SVOPL: variants seen among roughly 807,000 people sequenced by gnomAD.
SVOPL encodes the protein putative transporter SVOPL.
A neutral mutation model predicts 61.0 loss-of-function variants in SVOPL; 60 were observed. The observed-to-expected ratio is 0.98, with a 90% CI of 0.80 to 1.22. SVOPL has a LOEUF of 1.22. Ranked by LOEUF, SVOPL falls within the 50% of genes most tolerant of loss-of-function variation. SVOPL has a pLI of 0.00. For missense variants in SVOPL, 662 were observed against 643.9 expected (o/e 1.03, Z -0.30); for synonymous variants, 279 against 250.0 (o/e 1.12, Z -1.09).
intron 10 of SVOPL, among the ~76,000 whole-genome samples, chr7:138,629,724 G>A (rs1800085052): frequency 6.6e-6 from 1 of 152,210 alleles, no homozygotes; most frequent in Non-Finnish European, 1.5e-5. Flanking sequence ...TGGACTCGAT[G>A]ATTGGTGACT....
intron 1 of SVOPL, among the ~76,000 whole-genome samples, chr7:138,697,331 A>C (rs573200120): frequency 3.5e-4 from 54 of 152,348 alleles, no homozygotes; most frequent in African/African-American, 1.3e-3. Flanking sequence ...CCAAAAAAAT[A>C]CAGGTACCCA....
chr7:138,699,146 C>T lies in SVOPL; in HGVS notation c.-35+2032G>A, dbSNP rs535820600. 6.6e-5 allele frequency among the ~76,000 whole-genome samples: 10 copies of T among 151,840 alleles called. No homozygotes were observed. The South Asian group carries it at 1.0e-3, about 16-fold the overall frequency. On this transcript the variant is annotated intron_variant, in intron 1 of 15. Transcript: ENST00000674285. ...CAGCCTAGGTGACAGAGTGAAACTC[C>T]GTCTCCAAAAAATTAGCTGGGTGTG...
At position 138,620,124 on chromosome 7, in the gene SVOPL, G is replaced by GTTT. The variant is rs68156955; in HGVS notation, c.1353+919_1353+921dup. ...TTCTTTTTTGTTTTTTTTCTGTTTT[G>GTTT]TTTTTTTTTTTTTTTTGAGATAGAG... On this transcript the variant is annotated intron_variant, in intron 14 of 15. Transcript: ENST00000674285. Among the ~76,000 whole-genome samples, 18 of 114,626 alleles carry GTTT rather than the reference G, an allele frequency of 1.6e-4. 1 individual carries two copies. The highest frequency in any genetic ancestry group is 2.5e-4 in the East Asian group (1 of 3,926). 75.2% of individuals were successfully genotyped at this position (114,626 alleles called of 152,430 possible).
rs539748326 is a variant in SVOPL at position 138,603,611 on chromosome 7, G to T, written c.1354-7081C>A. Among the ~76,000 whole-genome samples the T allele has an allele frequency of 7.9e-5, 12 of 152,296 alleles. No individual in the cohort carries two copies. The East Asian group carries it at 1.4e-3, about 17-fold the overall frequency. The stretch of plus-strand genomic sequence containing the variant: ...TGCTTGAACCCGGCAGGCAGAGGTT[G>T]CAGTGAGCGGAGATTGCACCACTGC... On this transcript the variant is annotated intron_variant, in intron 14 of 15. Transcript: ENST00000674285.
intron 1 of SVOPL, among the ~76,000 whole-genome samples, chr7:138,681,398 C>T (rs1802698728): frequency 6.6e-6 from 1 of 151,092 alleles, no homozygotes; most frequent in South Asian, 2.1e-4. Flanking sequence ...CAAACAAACC[C>T]AGGCATCTTA....
intron 7 of SVOPL, 34 bp from the exon 8 acceptor site, chr7:138,649,171 T>TG: frequency 6.4e-7 from 1 of 1,553,322 alleles, no homozygotes; most frequent in Non-Finnish European, 8.7e-7. Context: ...TAAAGTTCTT[T>TG]GGGGAATTAT....
At chr7:138,628,136 C>T (rs1296941457) in intron 11 of SVOPL, 22 bp downstream of exon 11, 1 of 1,613,924 alleles carries the variant, frequency 6.2e-7, no homozygotes, top group Admixed American at 1.7e-5. Context: ...CAGAGAGACC[C>T]AACACGCAGA....
intron 1 of SVOPL, among the ~76,000 whole-genome samples, chr7:138,691,564 A>G (rs1046180240): frequency 1.1e-4 from 16 of 152,250 alleles, no homozygotes; most frequent in African/African-American, 3.4e-4. Flanking sequence ...TTTTGAGACC[A>G]AGTCTCGCTC....
intron 9 of SVOPL, among the ~76,000 whole-genome samples, chr7:138,642,328 G>A (rs916863581): frequency 2.0e-4 from 29 of 142,100 alleles, no homozygotes; most frequent in African/African-American, 2.9e-4. Context: ...AATGGACCCC[G>A]CCCCCGCAAA....
At chr7:138,663,511 A>G in intron 4 of SVOPL, 1 of 1,024,354 alleles carries the variant, frequency 9.8e-7, no homozygotes, top group Non-Finnish European at 1.2e-6. Flanking sequence ...AATTGGGGCC[A>G]CTAGAAGCAG....
chr7:138,676,249 T>C (rs529845856), intron 3 of SVOPL, among the ~76,000 whole-genome samples: 2 of 152,382 alleles, frequency 1.3e-5, no homozygotes, highest in South Asian at 2.1e-4. Flanking sequence ...CTGTCATTCT[T>C]CTTTCTTCAA....
intron 13 of SVOPL, among the ~76,000 whole-genome samples, chr7:138,623,163 C>G (rs1271158827): frequency 1.3e-5 from 2 of 152,086 alleles, no homozygotes; most frequent in Admixed American, 6.6e-5. Flanking sequence ...TGAGGTTGCT[C>G]TGACTGAAAA....
chr7:138,616,332 C>T (rs1799300266), intron 14 of SVOPL, among the ~76,000 whole-genome samples: 1 of 90,780 alleles, frequency 1.1e-5, no homozygotes, highest in Non-Finnish European at 2.1e-5. Flanking sequence ...TTCAGTGAAT[C>T]TTTAATACTT....
intron 10 of SVOPL, among the ~76,000 whole-genome samples, chr7:138,629,238 T>C (rs1191895581): frequency 3.8e-4 from 3 of 7,962 alleles, no homozygotes; most frequent in South Asian, 3.3e-3. Context: ...CTCTTCATGA[T>C]TTTTTTTTTT....
At chr7:138,637,475 G>GATAT (rs1198640384) in intron 9 of SVOPL, among the ~76,000 whole-genome samples, 66 of 14,142 alleles carry the variant, frequency 4.7e-3, no homozygotes, top group African/African-American at 0.018. Context: ...TATAGATATA[G>GATAT]ATATAGATAT....
At position 138,628,350 on chromosome 7, in the gene SVOPL, A is replaced by G; in HGVS notation, c.877T>C (p.Phe293Leu). ...QIWVIWLGIS[F>L]AYYGVILASA... The stretch of plus-strand genomic sequence containing the variant: ...GCCAGGATAACCCCATAGTAGGCAA[A>G]AGAGATTCCAAGCCTGGAAGAGAGA... The change falls in exon 11 of 16, where the codon TTT becomes CTT. Residue 293 changes from phenylalanine (F) to leucine (L), a missense_variant. By Grantham distance (22) the Phe-to-Leu change is conservative. Transcript: ENST00000674285. 4 of 1,614,072 alleles carry G rather than the reference A, an allele frequency of 2.5e-6. No homozygotes were observed. Among genetic ancestry groups the G allele is most frequent in the Non-Finnish European group, 3.4e-6 (4 of 1,180,028 alleles).
rs375844910 is a variant in SVOPL at position 138,669,945 on chromosome 7, C to T, written c.273+2074G>A. On this transcript the variant is annotated intron_variant, in intron 4 of 15. Coordinates refer to ENST00000674285, the MANE Select transcript of SVOPL (RefSeq NM_001139456.2). ...GTCTTCATTAAAACCAGCTTCAATA[C>T]CCAAGTAAATCAACCTTTCTCTCCC... 2.4e-4 allele frequency among the ~76,000 whole-genome samples: 36 copies of T among 152,228 alleles called. No homozygotes were observed. In the South Asian group the frequency reaches 4.8e-3, roughly 20 times the overall value.
intron 9 of SVOPL, 124 bp from the exon 10 acceptor site, chr7:138,630,246 C>A (rs1462008190): frequency 2.7e-6 from 2 of 745,004 alleles, no homozygotes; most frequent in Non-Finnish European, 4.7e-6. Context: ...GATAACCACT[C>A]AGCTCCTATG....
intron 14 of SVOPL, among the ~76,000 whole-genome samples, chr7:138,601,251 CAAAAAAA>C (rs59761826): frequency 5.0e-5 from 5 of 99,096 alleles, no homozygotes; most frequent in East Asian, 5.3e-4. Context: ...GATTCCATCT[CAAAAAAA>C]AAAAAAAAAA....
Sources: gnomAD v4.1 joint callset for allele counts (sites outside exome capture counted in the v4.1 genomes callset) on GRCh38, gnomAD v4.1.1 for gene constraint, MANE v1.5 for transcripts, NCBI Gene and HGNC (gene_info 2026-07-23, HGNC 2026-07-21) for gene names.